The following BIN2 variants were observed in gnomAD, a reference collection of about 807,000 sequenced individuals.
The protein encoded by BIN2 is breast cancer associated protein BRAP1.
A neutral mutation model predicts 67.9 loss-of-function variants in BIN2; 43 were observed. The ratio of observed to expected loss-of-function variants is 0.63; its 90% CI spans 0.50 to 0.82. The LOEUF is 0.82. BIN2 is among the 40% of genes least tolerant of loss of function. BIN2 has a pLI of 0.00. For synonymous variants in BIN2, 244 were observed against 246.8 expected (o/e 0.99, Z 0.11); for missense variants, 581 against 671.6 (o/e 0.87, Z 1.49).
At chr12:51,296,521 C>G (rs1945572487) in intron 8 of BIN2, among the ~76,000 whole-genome samples, 1 of 151,558 alleles carries the variant, frequency 6.6e-6, no homozygotes, top group African/African-American at 2.4e-5. Flanking sequence ...CAAAAAACCT[C>G]ATTTTTAATA....
intron 1 of BIN2, among the ~76,000 whole-genome samples, chr12:51,316,248 C>T (rs1029245046): frequency 1.3e-5 from 2 of 150,888 alleles, no homozygotes; most frequent in African/African-American, 4.9e-5. Context: ...CTTGGGAGGC[C>T]GAGGCAGGCG....
chr12:51,320,203 A>G (rs1213945615), intron 1 of BIN2, among the ~76,000 whole-genome samples: 1 of 151,050 alleles, frequency 6.6e-6, no homozygotes, highest in Non-Finnish European at 1.5e-5. Context: ...CTGGTCTCGA[A>G]CTCCTGGGAT....
At chr12:51,295,748 A>G (rs778577727) in intron 9 of BIN2, 48 bp downstream of exon 9, 64 of 1,511,992 alleles carry the variant, frequency 4.2e-5, no homozygotes, top group Non-Finnish European at 5.2e-5. Flanking sequence ...TGTTGAATAC[A>G]TTCACACACA....
At chr12:51,318,262 C>CTTTTTTTTTTTT (rs1267935737) in intron 1 of BIN2, among the ~76,000 whole-genome samples, 1 of 131,814 alleles carries the variant, frequency 7.6e-6, no homozygotes, top group Admixed American at 7.7e-5. Context: ...TATCTCCATT[C>CTTTTTTTTTTTT]TTTTTTTTTT....
intron 2 of BIN2, among the ~76,000 whole-genome samples, chr12:51,312,102 G>A (rs755593062): frequency 5.9e-5 from 9 of 152,122 alleles, no homozygotes; most frequent in Non-Finnish European, 1.0e-4. Context: ...ATGTGTCAAT[G>A]TTGTTGGAAT....
chr12:51,284,621 C>A, intron 12 of BIN2, 95 bp downstream of exon 12: 1 of 993,740 alleles, frequency 1.0e-6, no homozygotes. Context: ...GGTTCACTGC[C>A]GGATTCCCCT....
At chr12:51,313,787 T>C in intron 2 of BIN2, 36 bp downstream of exon 2, 2 of 1,569,216 alleles carry the variant, frequency 1.3e-6, no homozygotes, top group Non-Finnish European at 8.8e-7. Flanking sequence ...GTCTCCTTTC[T>C]TCTTCCAAGC....
At chr12:51,304,447 C>T (rs1682706148) in intron 2 of BIN2, among the ~76,000 whole-genome samples, 1 of 152,126 alleles carries the variant, frequency 6.6e-6, no homozygotes, top group Non-Finnish European at 1.5e-5. Context: ...TATGTGTAAA[C>T]TCATTTTGAA....
intron 8 of BIN2, 118 bp from the exon 9 acceptor site, chr12:51,295,996 A>T: frequency 1.3e-6 from 1 of 755,702 alleles, no homozygotes; most frequent in South Asian, 1.6e-5. Flanking sequence ...TTCAATTCTG[A>T]TGTGAATTCC....
chr12:51,301,674 T>G (rs1207742154), intron 5 of BIN2, among the ~76,000 whole-genome samples: 2 of 150,786 alleles, frequency 1.3e-5, no homozygotes, highest in Non-Finnish European at 2.9e-5. Context: ...ACATGACTAT[T>G]TTTTTTTGTA....
intron 10 of BIN2, among the ~76,000 whole-genome samples, chr12:51,291,123 T>G (rs1273788176): frequency 6.6e-6 from 1 of 152,116 alleles, no homozygotes; most frequent in Non-Finnish European, 1.5e-5. Flanking sequence ...CACCCCAGCC[T>G]GGGTGACAGA....
intron 2 of BIN2, among the ~76,000 whole-genome samples, chr12:51,310,960 T>C (rs1288462119): frequency 6.6e-6 from 1 of 151,984 alleles, no homozygotes; most frequent in Non-Finnish European, 1.5e-5. Flanking sequence ...GGTTTTGCCA[T>C]GTTGCCCAGG....
intron 11 of BIN2, among the ~76,000 whole-genome samples, chr12:51,287,649 G>GTT (rs544875937): frequency 1.6e-4 from 23 of 139,942 alleles, no homozygotes; most frequent in East Asian, 2.1e-4. Context: ...CCTAGGAAAA[G>GTT]TTTTTTTTTT....
In BIN2 at chr12:51,299,213, G is replaced by A. The variant is rs200936405; in HGVS notation, c.592C>T (p.Leu198Phe). ...NQELLEELPI[L>F]YNSRIGCYVT... is the part of the protein sequence containing the mutation. Reference sequence around the variant, plus strand: ...AATTTCAGTCATTACCTATTATAAAGAATAGGCAGCTCCTCTAGTAGTTCT... The same window carrying A: ...AATTTCAGTCATTACCTATTATAAAAAATAGGCAGCTCCTCTAGTAGTTCT... Residue 198 changes from leucine (L) to phenylalanine (F), a missense_variant, in exon 7 of 13, where the codon CTT becomes TTT. Transcript: ENST00000615107. The A allele has an allele frequency of 1.5e-5, 24 of 1,611,136 alleles. No individual in the cohort carries two copies. In the East Asian group the frequency reaches 3.3e-4, roughly 22 times the overall value.
At chr12:51,309,006 G>T (rs1945934323) in intron 2 of BIN2, among the ~76,000 whole-genome samples, 1 of 152,030 alleles carries the variant, frequency 6.6e-6, no homozygotes, top group Non-Finnish European at 1.5e-5. Flanking sequence ...ATGTGATCAG[G>T]AATGTGGGCG....
chr12:51,312,047 T>G (rs144044618), intron 2 of BIN2, among the ~76,000 whole-genome samples: 1 of 152,134 alleles, frequency 6.6e-6, no homozygotes, highest in South Asian at 2.1e-4. Context: ...GCTGGGATTA[T>G]AGGCGTGAGC....
intron 4 of BIN2, 81 bp downstream of exon 4, chr12:51,302,605 C>G: frequency 8.3e-7 from 1 of 1,207,818 alleles, no homozygotes; most frequent in East Asian, 2.3e-5. Context: ...TTCCTATTTT[C>G]TTGGATAGAG....
intron 2 of BIN2, among the ~76,000 whole-genome samples, chr12:51,313,280 T>G (rs1946046348): frequency 6.8e-6 from 1 of 146,976 alleles, no homozygotes. Context: ...GGGAGGGAGA[T>G]TTCTCTGTTC....
chr12:51,302,587 CCTTTG>C lies in BIN2; in HGVS notation c.312+94_312+98del. On this transcript the variant is annotated intron_variant, in intron 4 of 12. Coordinates refer to ENST00000615107, the MANE Select transcript of BIN2 (RefSeq NM_016293.4). ...CACAAATGCACAGTGTGAACTGGCTCCTTTGTTTTCCTATTTTCTTGGATAGAGAA... is the reference window on the plus strand; with the variant it reads ...CACAAATGCACAGTGTGAACTGGCTCTTTTCCTATTTTCTTGGATAGAGAA... 3 of 1,006,902 alleles carry C rather than the reference CCTTTG, an allele frequency of 3.0e-6. No individual in the cohort carries two copies. In the South Asian group the frequency reaches 4.1e-5, roughly 14 times the overall value. 62.4% of individuals were successfully genotyped at this position (1,006,902 alleles called of 1,614,324 possible).
Sources: gnomAD v4.1 joint callset for allele counts (sites outside exome capture counted in the v4.1 genomes callset) on GRCh38, gnomAD v4.1.1 for gene constraint, MANE v1.5 for transcripts, NCBI Gene and HGNC (gene_info 2026-07-23, HGNC 2026-07-21) for gene names.